Variants in RGS6 observed in about 807,000 individuals in gnomAD.
The protein encoded by RGS6 is regulator of G protein signaling 6, also known as regulator of G-protein signaling 6.
Under a neutral mutation model 78.5 loss-of-function variants are expected in RGS6, and 30 were observed. The observed-to-expected ratio is 0.38, with a 90% CI of 0.29 to 0.52. RGS6 has a LOEUF of 0.52. Among genes scored for constraint, RGS6 ranks in the 20% least tolerant of loss-of-function variants. The probability of loss-of-function intolerance (pLI) is 0.85; values close to 1 mark genes in which losing one functional copy is unlikely to be tolerated. For synonymous variants in RGS6, 206 were observed against 206.0 expected, an observed-to-expected ratio of 1.00 and a Z score of 0.00; for missense variants, 495 against 609.7, an observed-to-expected ratio of 0.81 and a Z score of 1.98.
intron 2 of RGS6, among the ~76,000 whole-genome samples, chr14:72,033,732 T>G: frequency 6.6e-6 from 1 of 152,216 alleles, no homozygotes; most frequent in Non-Finnish European, 1.5e-5. Context: ...CAAACTGTTG[T>G]ATGTTGAGGA....
chr14:72,526,459 T>A (rs1362132491), intron 15 of RGS6, among the ~76,000 whole-genome samples: 2 of 152,210 alleles, frequency 1.3e-5, no homozygotes. Context: ...TGAAAGACAA[T>A]ATGCAAAGCT....
At chr14:72,245,837 A>G (rs1210607480) in intron 2 of RGS6, among the ~76,000 whole-genome samples, 1 of 152,190 alleles carries the variant, frequency 6.6e-6, no homozygotes, top group Non-Finnish European at 1.5e-5. Flanking sequence ...TAGGACAGAA[A>G]AAGTATGAGC....
At chr14:71,909,229 T>C in the RGS6 span, among the ~76,000 whole-genome samples, 1 of 152,192 alleles carries the variant, frequency 6.6e-6, no homozygotes, top group African/African-American at 2.4e-5. Flanking sequence ...CGCCCTACTC[T>C]GTAATAGAGT....
At chr14:72,534,588 C>T (rs568673530) in intron 15 of RGS6, among the ~76,000 whole-genome samples, 1 of 152,280 alleles carries the variant, frequency 6.6e-6, no homozygotes, top group African/African-American at 2.4e-5. Flanking sequence ...TTCCTTTACC[C>T]ATTTATCTAT....
chr14:72,021,453 C>T (rs1488338824), intron 2 of RGS6, among the ~76,000 whole-genome samples: 1 of 150,182 alleles, frequency 6.7e-6, no homozygotes, highest in East Asian at 2.0e-4. Context: ...TTTCTTTTTT[C>T]CTTTTTCTAA....
At chr14:72,379,883 T>C (rs914613145) in intron 3 of RGS6, among the ~76,000 whole-genome samples, 1 of 151,816 alleles carries the variant, frequency 6.6e-6, no homozygotes, top group Non-Finnish European at 1.5e-5. Flanking sequence ...GAAAAGAACA[T>C]AGTTAGAGGT....
At chr14:72,103,118 TG>T in intron 2 of RGS6, among the ~76,000 whole-genome samples, 6 of 152,304 alleles carry the variant, frequency 3.9e-5, no homozygotes, top group Admixed American at 3.9e-4. Flanking sequence ...TAATGGTACC[TG>T]TCTCTCAGGA....
At chr14:72,178,985 G>A (rs1272505146) in intron 2 of RGS6, among the ~76,000 whole-genome samples, 2 of 152,148 alleles carry the variant, frequency 1.3e-5, no homozygotes, top group Non-Finnish European at 2.9e-5. Context: ...TATGCACGAC[G>A]TTTTGTCATG....
intron 3 of RGS6, among the ~76,000 whole-genome samples, chr14:72,454,281 A>G (rs2095573239): frequency 6.6e-6 from 1 of 152,178 alleles, no homozygotes; most frequent in South Asian, 2.1e-4. Flanking sequence ...GACACTTCCT[A>G]GAAACATGAA....
chr14:72,486,335 C>A (rs528511898), intron 12 of RGS6, among the ~76,000 whole-genome samples: 1 of 152,300 alleles, frequency 6.6e-6, no homozygotes, highest in Non-Finnish European at 1.5e-5. Flanking sequence ...AAGATATGAA[C>A]CTCACTTGCG....
At chr14:71,867,621 G>C in the RGS6 span, among the ~76,000 whole-genome samples, 1 of 152,186 alleles carries the variant, frequency 6.6e-6, no homozygotes, top group Non-Finnish European at 1.5e-5. Flanking sequence ...GTCTTCGAGA[G>C]GGGTAGGCTG....
chr14:72,509,089 G>A (rs1469171857), intron 13 of RGS6, among the ~76,000 whole-genome samples: 1 of 152,134 alleles, frequency 6.6e-6, no homozygotes, highest in African/African-American at 2.4e-5. Context: ...CTGGGGCCGG[G>A]TGCAGTGGCT....
chr14:72,381,155 G>T (rs578147239), intron 3 of RGS6, among the ~76,000 whole-genome samples: 1 of 152,184 alleles, frequency 6.6e-6, no homozygotes, highest in East Asian at 1.9e-4. Flanking sequence ...GAGGATACTA[G>T]AGGTTGAGAA....
chr14:72,140,856 G>C, intron 2 of RGS6, among the ~76,000 whole-genome samples: 1 of 152,240 alleles, frequency 6.6e-6, no homozygotes, highest in East Asian at 1.9e-4. Flanking sequence ...GAGGGTCCTT[G>C]CAATGGGCTG....
chr14:72,083,459 A>AC (rs1178138170), intron 2 of RGS6, among the ~76,000 whole-genome samples: 1 of 152,174 alleles, frequency 6.6e-6, no homozygotes, highest in African/African-American at 2.4e-5. Context: ...AGAAGCCTTA[A>AC]CATAGACCAG....
intron 2 of RGS6, among the ~76,000 whole-genome samples, chr14:72,268,010 G>A (rs1357175174): frequency 6.6e-6 from 1 of 152,158 alleles, no homozygotes; most frequent in Non-Finnish European, 1.5e-5. Flanking sequence ...CCTAGAAGAT[G>A]TACTGGAAGG....
rs138507739 is a variant in RGS6 at position 72,004,394 on chromosome 14, A to G, written c.84+39519A>G. Among the ~76,000 whole-genome samples, 958 of 152,366 alleles carry G rather than the reference A, an allele frequency of 6.3e-3. 7 individuals carry two copies. The highest frequency in any genetic ancestry group is 8.3e-3 in the South Asian group (40 of 4,830). ...GAACACAAGAATGCATAATTCATAA[A>G]GAAGAAATTCAAATGCTTTTTAACA... is the stretch of plus-strand genomic sequence containing the variant. On this transcript the variant is annotated intron_variant, in intron 2 of 17. Coordinates refer to ENST00000553525, the MANE Select transcript of RGS6 (RefSeq NM_001204424.2).
chr14:72,061,323 G>T (rs570122988), intron 2 of RGS6, among the ~76,000 whole-genome samples: 3 of 152,154 alleles, frequency 2.0e-5, no homozygotes, highest in African/African-American at 2.4e-5. Flanking sequence ...ATAAGGGTCC[G>T]TGATTTGGCA....
intron 2 of RGS6, among the ~76,000 whole-genome samples, chr14:72,157,007 G>A (rs1423996827): frequency 6.6e-6 from 1 of 152,160 alleles, no homozygotes; most frequent in Non-Finnish European, 1.5e-5. Context: ...TCATTATCAG[G>A]TGAGTCATTA....
Sources: gnomAD v4.1 joint callset for allele counts (sites outside exome capture counted in the v4.1 genomes callset) on GRCh38, gnomAD v4.1.1 for gene constraint, MANE v1.5 for transcripts, NCBI Gene and HGNC (gene_info 2026-07-23, HGNC 2026-07-21) for gene names.